The following DMD variants were observed in gnomAD, a reference collection of about 807,000 sequenced individuals.
DMD encodes the protein dystrophin.
In DMD, 63 loss-of-function variants were observed where a neutral mutation model predicts 330.1. The ratio of observed to expected loss-of-function variants is 0.19; its 90% CI spans 0.16 to 0.24. DMD has a LOEUF of 0.24. Among genes scored for constraint, DMD ranks in the 10% least tolerant of loss-of-function variants. DMD has a pLI of 1.00. For missense variants in DMD, 3,344 were observed against 2,684.1 expected (o/e 1.25, Z -5.43); for synonymous variants, 1,223 against 959.8 (o/e 1.27, Z -5.07).
At chrX:31,438,087 C>A (rs368599298) in intron 60 of DMD, among the ~76,000 whole-genome samples, 4 of 109,791 alleles carry the variant, frequency 3.6e-5, no homozygotes, top group Non-Finnish European at 7.6e-5. Flanking sequence ...AACAGTTTCC[C>A]TTCATCCTCC....
At chrX:31,518,590 C>G (rs1358713705) in intron 55 of DMD, among the ~76,000 whole-genome samples, 1 of 109,338 alleles carries the variant, frequency 9.1e-6, no homozygotes, top group Non-Finnish European at 1.9e-5. Context: ...GAAAACTACC[C>G]TTATCTGAGA....
Position 31,121,772 on chromosome X carries a change from T to C in DMD, c.*147A>G, listed in dbSNP as rs768903458. On this transcript the variant is annotated 3_prime_UTR_variant, in exon 79 of 79. Coordinates refer to ENST00000357033, the MANE Select transcript of DMD (RefSeq NM_004006.3). ...TTATTTCTTGTAAACTCTTACTGTC[T>C]AATCCTCTTTGTTGTATGAATATTA... 2.0e-5 allele frequency: 17 copies of C among 844,327 alleles called. No homozygotes were observed. Among genetic ancestry groups the C allele is most frequent in the Non-Finnish European group, 2.8e-5 (16 of 562,107 alleles). 69.6% of individuals were successfully genotyped at this position (844,327 alleles called of 1,213,427 possible). A position where few individuals can be genotyped will look rare whatever the true frequency, so the allele number is the denominator to read the frequency against.
At chrX:31,177,002 C>A (rs764897824) in intron 71 of DMD, among the ~76,000 whole-genome samples, 1 of 111,265 alleles carries the variant, frequency 9.0e-6, no homozygotes, top group South Asian at 3.8e-4. Context: ...TGAATTCTTA[C>A]ACAAGCTTAT....
chrX:33,272,029 G>T (rs1043614336), intron 1 of DMD, among the ~76,000 whole-genome samples: 9 of 109,442 alleles, frequency 8.2e-5, no homozygotes, highest in Non-Finnish European at 1.1e-4. Context: ...GATTACAGGT[G>T]CCCACCACCA....
intron 55 of DMD, among the ~76,000 whole-genome samples, chrX:31,522,881 G>C (rs2072957268): frequency 1.8e-5 from 2 of 111,480 alleles, no homozygotes; most frequent in African/African-American, 3.3e-5. Flanking sequence ...GGTAAAGAAG[G>C]GCCCAGCAGG....
chrX:33,081,383 C>A (rs977253745), intron 1 of DMD, among the ~76,000 whole-genome samples: 1 of 112,054 alleles, frequency 8.9e-6, no homozygotes, highest in Admixed American at 9.4e-5. Context: ...AAGGGATTCT[C>A]CTGCCTTAGC....
At chrX:32,871,373 C>T (rs753504211) in intron 2 of DMD, among the ~76,000 whole-genome samples, 54 of 111,378 alleles carry the variant, frequency 4.8e-4, no homozygotes, top group Non-Finnish European at 8.7e-4. Context: ...CCCCGCCCTC[C>T]CCATACTTAA....
chrX:31,806,825 T>G (rs1016354398), intron 50 of DMD, among the ~76,000 whole-genome samples: 1 of 112,669 alleles, frequency 8.9e-6, no homozygotes, highest in African/African-American at 3.2e-5. Flanking sequence ...GTCAACAATA[T>G]CCATTATGAT....
rs1322284845 is a variant in DMD, at chrX:32,448,474, C to G, written c.3768G>C (p.Gly1256=). 5.8e-6 allele frequency: 7 copies of G among 1,206,821 alleles called. No homozygotes were observed. Among genetic ancestry groups the G allele is most frequent in the Non-Finnish European group, 7.8e-6 (7 of 892,914 alleles). ...AACTGACTTCCAAAGTCTTGCATTT[C>G]CCATTCAGCCTAGTGCAGAGCCACT... is the stretch of plus-strand genomic sequence containing the variant. ...NYQWLCTRLN[G]KCKTLEEVWA... Residue 1256 remains glycine (G), a synonymous_variant, in exon 27 of 79, where the codon GGG becomes GGC. Transcript: ENST00000357033.
At chrX:31,938,979 CA>C (rs1418824541) in intron 45 of DMD, among the ~76,000 whole-genome samples, 2 of 111,371 alleles carry the variant, frequency 1.8e-5, no homozygotes, top group Non-Finnish European at 3.8e-5. Flanking sequence ...TTTACTTCTA[CA>C]AGCCTCCAAA....
chrX:32,585,326 T>C (rs1235797633), intron 13 of DMD, among the ~76,000 whole-genome samples: 1 of 112,391 alleles, frequency 8.9e-6, no homozygotes, highest in Non-Finnish European at 1.9e-5. Flanking sequence ...ACATGTACTC[T>C]ATAAGTATGT....
At chrX:31,371,263 T>C (rs1391052525) in intron 60 of DMD, among the ~76,000 whole-genome samples, 2 of 111,307 alleles carry the variant, frequency 1.8e-5, no homozygotes, top group Non-Finnish European at 3.8e-5. Context: ...TAGTTCTCAG[T>C]AATGTATCAA....
At chrX:32,638,405 T>C (rs896153190) in intron 11 of DMD, among the ~76,000 whole-genome samples, 1 of 112,200 alleles carries the variant, frequency 8.9e-6, no homozygotes, top group African/African-American at 3.2e-5. Context: ...TTCTACTCTG[T>C]CTTAATTTCA....
intron 76 of DMD, among the ~76,000 whole-genome samples, chrX:31,141,674 T>C (rs1249405745): frequency 1.8e-5 from 2 of 110,588 alleles, no homozygotes; most frequent in Admixed American, 9.6e-5. Flanking sequence ...AGAAAATGAC[T>C]TTGTATAGAT....
intron 2 of DMD, among the ~76,000 whole-genome samples, chrX:32,982,569 T>C (rs767571310): frequency 1.0e-3 from 112 of 111,642 alleles, no homozygotes; most frequent in Non-Finnish European, 1.8e-3. Context: ...CAGCAACAAA[T>C]GCTGGTAATA....
In DMD at chrX:32,968,116, A is replaced by G. The variant is rs1569546403; in HGVS notation, c.93+52023T>C. Among the ~76,000 whole-genome samples, 3 of 112,135 alleles carry G rather than the reference A, an allele frequency of 2.7e-5. No homozygotes were observed. In the Admixed American group the frequency reaches 2.9e-4, roughly 11 times the overall value. On this transcript the variant is annotated intron_variant, in intron 2 of 78. Transcript: ENST00000357033. The stretch of plus-strand genomic sequence containing the variant: ...CCCAAGAACCAGTAAGTGTTCATCA[A>G]ATGTTCATCTGTTGAATGAATAAAT...
chrX:31,651,026 T>C (rs1368657452), intron 54 of DMD, among the ~76,000 whole-genome samples: 1 of 111,979 alleles, frequency 8.9e-6, no homozygotes, highest in Admixed American at 9.5e-5. Context: ...GGGAATTGTT[T>C]CTAGAGCAAT....
intron 44 of DMD, chrX:32,206,018 A>C (rs1356722682): frequency 2.0e-6 from 1 of 492,198 alleles, no homozygotes; most frequent in African/African-American, 2.3e-5. Flanking sequence ...AGTTATCTTT[A>C]AGAACGGTCA....
At chrX:32,217,194 T>G in intron 43 of DMD, 131 bp from the exon 44 acceptor site, 2 of 610,961 alleles carry the variant, frequency 3.3e-6, no homozygotes, top group Non-Finnish European at 5.2e-6. Flanking sequence ...TTGCAGAGTT[T>G]AGTTTCAAGT....
Sources: allele counts gnomAD v4.1 joint callset (sites outside exome capture counted in the v4.1 genomes callset), GRCh38; gene constraint gnomAD v4.1.1; transcripts MANE v1.5; gene names NCBI Gene and HGNC (gene_info 2026-07-23, HGNC 2026-07-21).